The following JAKMIP2 variants were observed in gnomAD, a reference collection of about 807,000 sequenced individuals.
JAKMIP2 encodes janus kinase and microtubule-interacting protein 2.
JAKMIP2 carries 25 observed loss-of-function variants against 115.0 expected under a neutral mutation model. The ratio of observed to expected loss-of-function variants is 0.22; its 90% CI spans 0.16 to 0.30. The LOEUF (loss-of-function observed/expected upper bound fraction) is 0.30, where lower values mean the gene tolerates loss of function less well. JAKMIP2 is among the 10% of genes least tolerant of loss of function. The pLI, the probability that JAKMIP2 is intolerant of heterozygous loss-of-function variation, is 1.00. For missense variants in JAKMIP2, 642 were observed against 957.6 expected (o/e 0.67, Z 4.35); for synonymous variants, 334 against 343.6 (o/e 0.97, Z 0.31).
chr5:147,621,300 T>G (rs1387509292), intron 17 of JAKMIP2, among the ~76,000 whole-genome samples: 2 of 152,242 alleles, frequency 1.3e-5, no homozygotes, highest in East Asian at 3.8e-4. Flanking sequence ...TCTCTTGTTC[T>G]CAGTTTCTGT....
chr5:147,623,602 T>C lies in JAKMIP2; in HGVS notation c.2064+19A>G. On this transcript the variant is annotated intron_variant, in intron 17 of 21. Coordinates refer to ENST00000616793, the MANE Select transcript of JAKMIP2 (RefSeq NM_001270941.2). ...TGTAAGTTTTTCTTAATTTTTACAA[T>C]ATCTCATCTTGTACTTACCATGTCA... is the stretch of plus-strand genomic sequence containing the variant. 1 of 1,515,530 alleles carries C rather than the reference T, an allele frequency of 6.6e-7. No homozygotes were observed. The allele number at this position is 1,515,530 out of a possible 1,614,324, so 93.9% of individuals were successfully genotyped here.
chr5:147,782,467 C>T lies in JAKMIP2; in HGVS notation c.-160G>A, dbSNP rs1317669275. ...TGTTTCCTACTCACCATGCTGAGAC[C>T]CGGAGAAGCTGTTTAAAGGAGGGAG... is the stretch of plus-strand genomic sequence containing the variant. On this transcript the variant is annotated 5_prime_UTR_variant, in exon 1 of 22. Coordinates refer to ENST00000616793, the MANE Select transcript of JAKMIP2 (RefSeq NM_001270941.2). 5 of 1,535,986 alleles carry T rather than the reference C, an allele frequency of 3.3e-6. No individual in the cohort carries two copies. The highest frequency in any genetic ancestry group is 2.4e-5 in the East Asian group (1 of 40,906).
At chr5:147,738,302 A>G (rs1754002163) in intron 1 of JAKMIP2, among the ~76,000 whole-genome samples, 3 of 152,146 alleles carry the variant, frequency 2.0e-5, no homozygotes, top group Non-Finnish European at 4.4e-5. Flanking sequence ...ATAAGCCACA[A>G]CTTCTCTTCA....
intron 1 of JAKMIP2, among the ~76,000 whole-genome samples, chr5:147,672,649 G>A (rs996319081): frequency 6.6e-6 from 1 of 152,164 alleles, no homozygotes; most frequent in Non-Finnish European, 1.5e-5. Context: ...AAATAGGCAT[G>A]AATTGTTTCA....
At chr5:147,625,237 T>A (rs1046385614) in intron 16 of JAKMIP2, among the ~76,000 whole-genome samples, 1 of 152,114 alleles carries the variant, frequency 6.6e-6, no homozygotes, top group African/African-American at 2.4e-5. Context: ...CACCTCGACC[T>A]CCCAAAGTGC....
intron 1 of JAKMIP2, among the ~76,000 whole-genome samples, chr5:147,706,777 C>G (rs1752575772): frequency 1.3e-5 from 2 of 151,982 alleles, no homozygotes; most frequent in African/African-American, 4.8e-5. Context: ...CAATATACTG[C>G]AAATACAGTG....
chr5:147,707,184 T>C (rs182577778), intron 1 of JAKMIP2, among the ~76,000 whole-genome samples: 2 of 152,290 alleles, frequency 1.3e-5, no homozygotes, highest in Admixed American at 6.5e-5. Flanking sequence ...TAGTAATGCC[T>C]GGGGTCTGTG....
chr5:147,607,332 T>A (rs1182265451), intron 20 of JAKMIP2, among the ~76,000 whole-genome samples: 1 of 152,204 alleles, frequency 6.6e-6, no homozygotes, highest in Non-Finnish European at 1.5e-5. Context: ...GCTCTTATTA[T>A]TTTGAGATAT....
chr5:147,692,345 T>G (rs1304156200), intron 1 of JAKMIP2, among the ~76,000 whole-genome samples: 1 of 152,172 alleles, frequency 6.6e-6, no homozygotes, highest in East Asian at 1.9e-4. Context: ...ACACCCAGTT[T>G]CAGACTTCTG....
chr5:147,666,296 T>C (rs1759295400), intron 2 of JAKMIP2, among the ~76,000 whole-genome samples: 1 of 152,178 alleles, frequency 6.6e-6, no homozygotes, highest in African/African-American at 2.4e-5. Context: ...AATCTTAATA[T>C]AAATCTTAAA....
chr5:147,754,023 A>G (rs756864005), intron 1 of JAKMIP2, among the ~76,000 whole-genome samples: 2 of 152,158 alleles, frequency 1.3e-5, no homozygotes, highest in African/African-American at 2.4e-5. Flanking sequence ...TGTGCCAACA[A>G]ACCATGTGAT....
At chr5:147,675,468 T>C (rs1164539562) in intron 1 of JAKMIP2, among the ~76,000 whole-genome samples, 1 of 151,332 alleles carries the variant, frequency 6.6e-6, no homozygotes, top group Admixed American at 6.6e-5. Flanking sequence ...TGTCTCCTTG[T>C]GCTGCTTTTT....
chr5:147,755,826 G>T (rs997516870), intron 1 of JAKMIP2, among the ~76,000 whole-genome samples: 2 of 151,948 alleles, frequency 1.3e-5, no homozygotes, highest in Non-Finnish European at 2.9e-5. Flanking sequence ...GCTCTTTTTT[G>T]AAAGTAACTA....
intron 1 of JAKMIP2, among the ~76,000 whole-genome samples, chr5:147,764,967 G>GAGAGAGAGAGAGA (rs1561582717): frequency 4.7e-5 from 1 of 21,246 alleles, no homozygotes; most frequent in Non-Finnish European, 8.8e-5. Flanking sequence ...AGAGAGAGAG[G>GAGAGAGAGAGAGA]GGGAGAGAGA....
intron 5 of JAKMIP2, among the ~76,000 whole-genome samples, chr5:147,645,869 T>C (rs1758109420): frequency 6.6e-6 from 1 of 152,146 alleles, no homozygotes; most frequent in African/African-American, 2.4e-5. Flanking sequence ...CTGGTCTAAG[T>C]TTATGAAAAT....
chr5:147,679,260 C>A lies in JAKMIP2; in HGVS notation c.-148-7306G>T, dbSNP rs377297353. ...CCTCCCAAAGTCCTGGAATTACAGG[C>A]GTGAGCCACCATCCCCAGCCTCCAA... On this transcript the variant is annotated intron_variant, in intron 1 of 21. Transcript: ENST00000616793. Among the ~76,000 whole-genome samples the A allele has an allele frequency of 1.5e-3, 221 of 152,190 alleles. 1 individual carries two copies. The highest frequency in any genetic ancestry group is 4.9e-3 in the African/African-American group (204 of 41,542).
chr5:147,707,993 A>ATT (rs1239110393), intron 1 of JAKMIP2, among the ~76,000 whole-genome samples: 4 of 152,180 alleles, frequency 2.6e-5, no homozygotes, highest in Non-Finnish European at 4.4e-5. Context: ...GTGAGAGAAG[A>ATT]GGGCAATTTA....
chr5:147,623,537 G>T, intron 17 of JAKMIP2, 84 bp downstream of exon 17: 1 of 823,802 alleles, frequency 1.2e-6, no homozygotes, highest in Non-Finnish European at 2.1e-6. Flanking sequence ...ATCAGTGCCA[G>T]ATAAAACTGG....
chr5:147,637,526 G>A (rs968668725), intron 10 of JAKMIP2, among the ~76,000 whole-genome samples: 3 of 141,398 alleles, frequency 2.1e-5, no homozygotes, highest in South Asian at 2.3e-4. Flanking sequence ...TGCAACCTCC[G>A]CCTCCTGGGT....
Sources: gnomAD v4.1 joint callset for allele counts (sites outside exome capture counted in the v4.1 genomes callset) on GRCh38, gnomAD v4.1.1 for gene constraint, MANE v1.5 for transcripts, NCBI Gene and HGNC (gene_info 2026-07-23, HGNC 2026-07-21) for gene names.